The following POP1 variants were observed in gnomAD, a reference collection of about 807,000 sequenced individuals.
POP1 encodes POP1 ribonuclease P/MRP subunit.
Under a neutral mutation model 102.2 loss-of-function variants are expected in POP1, and 75 were observed. The observed-to-expected ratio is 0.73, with a 90% CI of 0.61 to 0.89. POP1 has a LOEUF of 0.89. Among genes scored for constraint, POP1 ranks in the 40% least tolerant of loss-of-function variants. POP1 has a pLI of 0.00. For synonymous variants in POP1, 436 were observed against 464.1 expected (o/e 0.94, Z 0.78); for missense variants, 1,116 against 1,267.4 (o/e 0.88, Z 1.81).
At chr8:98,144,950 C>T (rs1208962212) in intron 11 of POP1, among the ~76,000 whole-genome samples, 3 of 152,054 alleles carry the variant, frequency 2.0e-5, no homozygotes, top group African/African-American at 2.4e-5. Flanking sequence ...TGGAGTGGCG[C>T]GATCTCAGCT....
At chr8:98,145,698 G>A (rs140819937) in intron 11 of POP1, among the ~76,000 whole-genome samples, 36 of 152,258 alleles carry the variant, frequency 2.4e-4, no homozygotes, top group Middle Eastern at 6.8e-3. Context: ...TTGAGGTCAC[G>A]AGTTTAAGAC....
intron 14 of POP1, among the ~76,000 whole-genome samples, chr8:98,151,526 C>T (rs1183887301): frequency 1.3e-5 from 2 of 152,112 alleles, no homozygotes; most frequent in Admixed American, 6.5e-5. Context: ...TGTAGGCTCC[C>T]GGAAGCACAG....
intron 14 of POP1, among the ~76,000 whole-genome samples, chr8:98,151,725 A>C (rs1350638570): frequency 6.8e-6 from 1 of 147,834 alleles, no homozygotes; most frequent in Non-Finnish European, 1.5e-5. Flanking sequence ...AGAGACAGGC[A>C]GTCTGCCTGG....
rs117253586 is a variant in POP1 at position 98,119,568 on chromosome 8, A to G, written c.-3+2178A>G. On this transcript the variant is annotated intron_variant, in intron 1 of 15. Transcript: ENST00000401707. ...CTTGAAGGTGAAGGTAAGAGTTAAG[A>G]TTCCTTCTGGAAACTTTTTTTTTTG... is the stretch of plus-strand genomic sequence containing the variant. Among the ~76,000 whole-genome samples the G allele has an allele frequency of 1.1e-4, 17 of 152,224 alleles. 1 individual carries two copies. The East Asian group carries it at 2.9e-3, about 26-fold the overall frequency.
At chr8:98,149,146 T>C in intron 13 of POP1, 140 bp downstream of exon 13, 2 of 806,208 alleles carry the variant, frequency 2.5e-6, no homozygotes, top group African/African-American at 1.7e-5. Flanking sequence ...GCTATAGTCC[T>C]GGATACAAGA....
chr8:98,140,109 G>GGA lies in POP1; in HGVS notation c.1394_1395insGA (p.Trp466ThrfsTer4). 1 of 1,614,038 alleles carries GGA rather than the reference G, an allele frequency of 6.2e-7. No homozygotes were observed. Among genetic ancestry groups the GGA allele is most frequent in the South Asian group, 1.1e-5 (1 of 91,058 alleles). On this transcript the variant is annotated frameshift_variant, in exon 10 of 16. Transcript: ENST00000401707. LOFTEE classifies it high-confidence loss of function. ...GAGGACACAGAGGAGACACCTCACC[G>GGA]CTGGTGGATAGAAACCTGTAAGAAA...
chr8:98,118,313 T>G (rs917287666), intron 1 of POP1, among the ~76,000 whole-genome samples: 1 of 152,214 alleles, frequency 6.6e-6, no homozygotes, highest in Non-Finnish European at 1.5e-5. Flanking sequence ...TGAATACTCT[T>G]TCTTCCTTAT....
chr8:98,119,422 G>A (rs1435633456), intron 1 of POP1, among the ~76,000 whole-genome samples: 1 of 152,170 alleles, frequency 6.6e-6, no homozygotes, highest in African/African-American at 2.4e-5. Context: ...GGTTGTGTCT[G>A]GCCAGAGGAT....
chr8:98,137,780 A>C (rs1298336091), intron 9 of POP1, among the ~76,000 whole-genome samples: 1 of 152,126 alleles, frequency 6.6e-6, no homozygotes, highest in Non-Finnish European at 1.5e-5. Context: ...CTGAATTTAT[A>C]CCTTTACTTA....
intron 1 of POP1, among the ~76,000 whole-genome samples, chr8:98,119,558 A>G (rs1815952327): frequency 6.6e-6 from 1 of 152,160 alleles, no homozygotes; most frequent in Admixed American, 6.5e-5. Context: ...AGGTGAAGGT[A>G]AGAGTTAAGA....
At chr8:98,124,409 A>G (rs1294944335) in intron 2 of POP1, among the ~76,000 whole-genome samples, 1 of 152,110 alleles carries the variant, frequency 6.6e-6, no homozygotes, top group African/African-American at 2.4e-5. Context: ...TAGAAATACA[A>G]AAATTAGCCA....
In POP1 at chr8:98,130,052, C is replaced by T. The variant is rs1302570600; in HGVS notation, c.561C>T (p.Asn187=). 1.2e-6 allele frequency: 2 copies of T among 1,613,940 alleles called. No individual in the cohort carries two copies. The highest frequency in any genetic ancestry group is 2.2e-5 in the East Asian group (1 of 44,896). Residue 187 remains asparagine (N), a synonymous_variant, in exon 5 of 16, where the codon AAC becomes AAT. Coordinates refer to ENST00000401707, the MANE Select transcript of POP1 (RefSeq NM_001145860.2). ...ATAAAGCTCGAAGATGTCACATGAA[C>T]CGGACGCTAGAATTTAACCGTAGAC... ...KCHKARRCHM[N]RTLEFNRRQK...
At chr8:98,124,933 T>A (rs1414193169) in intron 2 of POP1, among the ~76,000 whole-genome samples, 1 of 152,184 alleles carries the variant, frequency 6.6e-6, no homozygotes, top group Non-Finnish European at 1.5e-5. Flanking sequence ...AGGACTTGTT[T>A]GGAGTGCTTT....
At chr8:98,130,998 G>C (rs535511166) in intron 5 of POP1, among the ~76,000 whole-genome samples, 2 of 152,218 alleles carry the variant, frequency 1.3e-5, no homozygotes, top group Non-Finnish European at 2.9e-5. Flanking sequence ...CTATCTTTCA[G>C]TGGCAGAATG....
At chr8:98,156,522 T>C (rs558640146) in intron 15 of POP1, 110 bp downstream of exon 15, 38 of 1,397,040 alleles carry the variant, frequency 2.7e-5, no homozygotes, top group Admixed American at 1.0e-4. Flanking sequence ...CAAGTGAATT[T>C]ATAGGCTTTC....
intron 13 of POP1, 149 bp downstream of exon 13, chr8:98,149,155 G>C (rs1586248442): frequency 2.6e-6 from 2 of 761,470 alleles, no homozygotes; most frequent in Non-Finnish European, 4.4e-6. Context: ...CTGGATACAA[G>C]ATACTTCATA....
chr8:98,156,263 T>C lies in POP1; in HGVS notation c.2271T>C (p.Asp757=). 6.2e-7 allele frequency: 1 copy of C among 1,614,058 alleles called. No individual in the cohort carries two copies. Among genetic ancestry groups the C allele is most frequent in the Middle Eastern group, 1.7e-4 (1 of 6,054 alleles). Residue 757 remains aspartate (D), a synonymous_variant, in exon 15 of 16, where the codon GAT becomes GAC. Transcript: ENST00000401707. ...PMPKKTHQPS[D]EVGTSIEHPR... is the part of the protein sequence containing the mutation. ...CTAAAAAAACTCATCAGCCATCTGA[T>C]GAAGTGGGCACATCCATAGAGCACC...
At chr8:98,125,112 C>T (rs1438571575) in intron 2 of POP1, among the ~76,000 whole-genome samples, 1 of 151,550 alleles carries the variant, frequency 6.6e-6, no homozygotes, top group Admixed American at 6.6e-5. Flanking sequence ...TAATAATTAA[C>T]ACCACAATTG....
chr8:98,137,442 A>G (rs1018996427), intron 9 of POP1, among the ~76,000 whole-genome samples: 2 of 151,974 alleles, frequency 1.3e-5, no homozygotes, highest in African/African-American at 2.4e-5. Context: ...AGCTGAGACT[A>G]TAGGTGCACA....
Sources: allele counts gnomAD v4.1 joint callset (sites outside exome capture counted in the v4.1 genomes callset), GRCh38; gene constraint gnomAD v4.1.1; transcripts MANE v1.5; gene names NCBI Gene and HGNC (gene_info 2026-07-23, HGNC 2026-07-21).